Variants in SERPINB7 observed in about 807,000 individuals in gnomAD.
SERPINB7 encodes serpin family B member 7, also known as serpin B7.
In SERPINB7, 31 loss-of-function variants were observed where a neutral mutation model predicts 37.4. The observed-to-expected ratio is 0.83, with a 90% CI of 0.62 to 1.12. SERPINB7 has a LOEUF of 1.12. SERPINB7 is among the 50% of genes most tolerant of loss of function. The pLI, the probability that SERPINB7 is intolerant of heterozygous loss-of-function variation, is 0.00. For missense variants in SERPINB7, 521 were observed against 455.3 expected (o/e 1.14, Z -1.31); for synonymous variants, 163 against 166.1 (o/e 0.98, Z 0.14).
In SERPINB7 at chr18:63,804,833, T is replaced by C. The variant is rs2049591101; in HGVS notation, c.*198T>C. 1 of 559,170 alleles carries C rather than the reference T, an allele frequency of 1.8e-6. No homozygotes were observed. Among genetic ancestry groups the C allele is most frequent in the Non-Finnish European group, 3.1e-6 (1 of 320,188 alleles). 34.6% of individuals were successfully genotyped at this position (559,170 alleles called of 1,614,324 possible). ...GTCCTGATCCCTGCTCTTAGCATTCTACCACCATGTGTCTCACCCATTTCT... is the reference window on the plus strand; with the variant it reads ...GTCCTGATCCCTGCTCTTAGCATTCCACCACCATGTGTCTCACCCATTTCT... On this transcript the variant is annotated 3_prime_UTR_variant, in exon 8 of 8. Coordinates refer to ENST00000398019, the MANE Select transcript of SERPINB7 (RefSeq NM_003784.4).
chr18:63,767,529 G>A (rs1239051972), intron 1 of SERPINB7, among the ~76,000 whole-genome samples: 1 of 151,982 alleles, frequency 6.6e-6, no homozygotes, highest in East Asian at 1.9e-4. Context: ...TTCCTCCCTC[G>A]CCTTTTCCTT....
chr18:63,781,030 C>T (rs574453423), intron 1 of SERPINB7, among the ~76,000 whole-genome samples: 6 of 152,190 alleles, frequency 3.9e-5, no homozygotes, highest in Non-Finnish European at 2.9e-5. Context: ...CTCAAACTCC[C>T]ATTTGACATA....
intron 4 of SERPINB7, among the ~76,000 whole-genome samples, chr18:63,794,237 C>T (rs1599016590): frequency 6.7e-6 from 1 of 148,192 alleles, no homozygotes; most frequent in Non-Finnish European, 1.5e-5. Flanking sequence ...GCTGGGATTA[C>T]AGGCATGAGC....
intron 2 of SERPINB7, among the ~76,000 whole-genome samples, chr18:63,783,191 AGAG>A (rs1568207531): frequency 2.2e-3 from 133 of 61,848 alleles, no homozygotes; most frequent in African/African-American, 6.2e-3. Flanking sequence ...AAAGAAAGAG[AGAG>A]AGAGAGAGAG....
At chr18:63,759,420 CT>C in intron 1 of SERPINB7, among the ~76,000 whole-genome samples, 1 of 152,240 alleles carries the variant, frequency 6.6e-6, no homozygotes, top group Middle Eastern at 3.4e-3. Flanking sequence ...GCACACAGGC[CT>C]CTCTGGGTGC....
chr18:63,789,739 G>C (rs981158155), intron 2 of SERPINB7, among the ~76,000 whole-genome samples: 8 of 152,218 alleles, frequency 5.3e-5, no homozygotes, highest in African/African-American at 1.9e-4. Context: ...ATGTTGCAAA[G>C]ATGCAAGATT....
intron 6 of SERPINB7, among the ~76,000 whole-genome samples, chr18:63,799,079 T>A (rs2658458): frequency 0.12 from 18,504 of 152,230 alleles, 1,870 homozygotes; most frequent in East Asian, 0.42. Flanking sequence ...ATTTTTCATT[T>A]TTTTAACCAT....
At chr18:63,782,593 G>A in intron 2 of SERPINB7, 53 bp downstream of exon 2, 1 of 1,513,164 alleles carries the variant, frequency 6.6e-7, no homozygotes, top group Non-Finnish European at 8.9e-7. Flanking sequence ...TTTCCCACGA[G>A]AACATTTCGT....
chr18:63,774,710 G>A (rs1399058079), upstream of SERPINB7, among the ~76,000 whole-genome samples: 1 of 152,084 alleles, frequency 6.6e-6, no homozygotes, highest in South Asian at 2.1e-4. Context: ...TGGAGGAGAG[G>A]CTGGCAGGAT....
At position 63,796,297 on chromosome 18, in the gene SERPINB7, A is replaced by G; in HGVS notation, c.368A>G (p.Asp123Gly). Residue 123 changes from aspartate to glycine, a missense_variant, in exon 5 of 8, where the codon GAT becomes GGT. Physicochemically the swap from Asp to Gly is moderately conservative, Grantham distance 94 (BLOSUM62 -1). Transcript: ENST00000398019. ...ATTGAGTGTGCCGAAAAATTATACG[A>G]TGCCAAAGTGGAGCGAGTTGACTTT... is the stretch of plus-strand genomic sequence containing the variant. The part of the protein sequence containing the change: ...DYIECAEKLY[D>G]AKVERVDFTN... The G allele has an allele frequency of 1.2e-6, 2 of 1,613,054 alleles. No homozygotes were observed. Among genetic ancestry groups the G allele is most frequent in the Non-Finnish European group, 1.7e-6 (2 of 1,179,154 alleles).
intron 1 of SERPINB7, among the ~76,000 whole-genome samples, chr18:63,756,090 T>C (rs2049120391): frequency 2.9e-5 from 1 of 34,494 alleles, no homozygotes; most frequent in Non-Finnish European, 6.2e-5. Flanking sequence ...ATATATAGGG[T>C]TTACACACAC....
chr18:63,781,830 C>G (rs1377404888), intron 1 of SERPINB7, among the ~76,000 whole-genome samples: 1 of 151,742 alleles, frequency 6.6e-6, no homozygotes, highest in East Asian at 1.9e-4. Context: ...ACCAATGATG[C>G]ATAATACTTA....
intron 1 of SERPINB7, among the ~76,000 whole-genome samples, chr18:63,764,916 G>T (rs1040319367): frequency 5.3e-5 from 8 of 151,974 alleles, no homozygotes; most frequent in African/African-American, 1.9e-4. Context: ...TCACAGAGTA[G>T]GAAAGGAGTT....
At chr18:63,803,899 C>G (rs2049576595) in intron 7 of SERPINB7, among the ~76,000 whole-genome samples, 1 of 152,200 alleles carries the variant, frequency 6.6e-6, no homozygotes, top group Non-Finnish European at 1.5e-5. Flanking sequence ...GGGCTCCTTT[C>G]TCCCTCTAAT....
At chr18:63,775,856 T>A (rs1407474090) in intron 1 of SERPINB7, 140 bp downstream of exon 1, 1 of 152,134 alleles carries the variant, frequency 6.6e-6, no homozygotes, top group Non-Finnish European at 1.5e-5. Context: ...AGGCCTGAAA[T>A]CTCTCCAGGT....
At chr18:63,785,306 C>T (rs745623245) in intron 2 of SERPINB7, among the ~76,000 whole-genome samples, 17 of 152,188 alleles carry the variant, frequency 1.1e-4, no homozygotes, top group African/African-American at 2.9e-4. Flanking sequence ...TTATGGCTTC[C>T]ATCTGTGTGT....
At chr18:63,776,034 G>A (rs2144600314) in intron 1 of SERPINB7, among the ~76,000 whole-genome samples, 1 of 151,990 alleles carries the variant, frequency 6.6e-6, no homozygotes, top group East Asian at 1.9e-4. Flanking sequence ...CCTCACTGAT[G>A]CCTGTGTATC....
intron 7 of SERPINB7, among the ~76,000 whole-genome samples, chr18:63,802,166 T>C (rs1055672336): frequency 1.3e-5 from 2 of 152,198 alleles, no homozygotes; most frequent in Non-Finnish European, 2.9e-5. Context: ...CATCACTCCA[T>C]GCTGCTGTGT....
chr18:63,762,142 C>T lies in SERPINB7; in HGVS notation c.-19+9022C>T, dbSNP rs75074333. On this transcript the variant is annotated intron_variant, in intron 1 of 7. Transcript: ENST00000336429. The stretch of plus-strand genomic sequence containing the variant: ...TGGAGGGCAAGAACTGGGTCTTCTG[C>T]TCCACAGTAACCCTGCAATGTGGTG... 1.8e-4 allele frequency among the ~76,000 whole-genome samples: 27 copies of T among 152,272 alleles called. No individual in the cohort carries two copies. The East Asian group carries it at 3.9e-3, about 22-fold the overall frequency.
Sources: allele counts gnomAD v4.1 joint callset (sites outside exome capture counted in the v4.1 genomes callset), GRCh38; gene constraint gnomAD v4.1.1; transcripts MANE v1.5; gene names NCBI Gene and HGNC (gene_info 2026-07-23, HGNC 2026-07-21).